OR8D4: variants seen among roughly 807,000 people sequenced by gnomAD.
The protein encoded by OR8D4 is olfactory receptor 8D4.
For missense variants in OR8D4, 359 were observed against 372.6 expected, an observed-to-expected ratio of 0.96 and a Z score of 0.30; for synonymous variants, 141 against 134.8, an observed-to-expected ratio of 1.05 and a Z score of -0.32.
At chr11:123,905,070 GCATTGC>G (rs1429553982) in intron 1 of OR8D4, among the ~76,000 whole-genome samples, 1 of 152,142 alleles carries the variant, frequency 6.6e-6, no homozygotes, top group Non-Finnish European at 1.5e-5. Flanking sequence ...TGGGTTGCTT[GCATTGC>G]CAGTAGTGGC....
At position 123,906,620 on chromosome 11, in the gene OR8D4, G is replaced by C; in HGVS notation, c.189G>C (p.Leu63=). Reference sequence around the variant, plus strand: ...TTCATACCCCCATGTACTATTTCCTGAGTAGTTTGTCTTTTTTAGATTTCT... The same window carrying C: ...TTCATACCCCCATGTACTATTTCCTCAGTAGTTTGTCTTTTTTAGATTTCT... ...RQLHTPMYYF[L]SSLSFLDFCY... Residue 63 remains leucine, a synonymous_variant, in exon 2 of 2, where the codon CTG becomes CTC. Transcript: ENST00000641687. 1.9e-6 allele frequency: 3 copies of C among 1,613,954 alleles called. No homozygotes were observed. The highest frequency in any genetic ancestry group is 2.5e-6 in the Non-Finnish European group (3 of 1,179,858).
chr11:123,906,560 C>T lies in OR8D4; in HGVS notation c.129C>T (p.Leu43=). 3 of 1,613,892 alleles carry T rather than the reference C, an allele frequency of 1.9e-6. No homozygotes were observed. The highest frequency in any genetic ancestry group is 8.5e-7 in the Non-Finnish European group (1 of 1,179,824). ...ACACAGTTACTGTGGTGGGAAACCT[C>T]AGCATGATCTCAATTATTAGGCTGA... ...GIYTVTVVGN[L]SMISIIRLNR... Residue 43 remains leucine, a synonymous_variant, in exon 2 of 2, where the codon CTC becomes CTT. Coordinates refer to ENST00000641687, the MANE Select transcript of OR8D4 (RefSeq NM_001005197.2).
chr11:123,906,179 T>G (rs1275128724), intron 1 of OR8D4: 3 of 404,902 alleles, frequency 7.4e-6, no homozygotes, highest in Non-Finnish European at 1.3e-5. Flanking sequence ...AACTCTGGAG[T>G]AAAAGGTTCT....
In OR8D4 at chr11:123,906,565, T is replaced by A. The variant is rs1863200663; in HGVS notation, c.134T>A (p.Met45Lys). 1.2e-6 allele frequency: 2 copies of A among 1,613,958 alleles called. No homozygotes were observed. The highest frequency in any genetic ancestry group is 1.7e-6 in the Non-Finnish European group (2 of 1,179,856). Residue 45 changes from methionine to lysine, a missense_variant, in exon 2 of 2, where the codon ATG becomes AAG. Physicochemically the swap from Met to Lys is moderately conservative, Grantham distance 95 (BLOSUM62 -1). Coordinates refer to ENST00000641687, the MANE Select transcript of OR8D4 (RefSeq NM_001005197.2). ...GTTACTGTGGTGGGAAACCTCAGCATGATCTCAATTATTAGGCTGAATCGT... is the reference window on the plus strand; with the variant it reads ...GTTACTGTGGTGGGAAACCTCAGCAAGATCTCAATTATTAGGCTGAATCGT... ...YTVTVVGNLS[M>K]ISIIRLNRQL...
In OR8D4 at chr11:123,906,877, TC is replaced by T. The variant is rs1863206531; in HGVS notation, c.447del (p.Ser150GlnfsTer2). 1.9e-6 allele frequency: 3 copies of T among 1,614,078 alleles called. No individual in the cohort carries two copies. In the African/African-American group the frequency reaches 4.0e-5, roughly 22 times the overall value. On this transcript the variant is annotated frameshift_variant, in exon 2 of 2. Coordinates refer to ENST00000641687, the MANE Select transcript of OR8D4 (RefSeq NM_001005197.2). LOFTEE classifies it low-confidence loss of function (END_TRUNC). The stretch of plus-strand genomic sequence containing the variant: ...TGTTCTCTGCTGGTGGCTGCTGTCT[TC>T]TCAGTAGGTTTCACTGATGCTGTGA... ...RVCSLLVAAV[F>X]SVGFTDAVIH... is the part of the protein sequence containing the mutation.
Position 123,907,350 on chromosome 11 carries a change from A to G in OR8D4, c.919A>G (p.Arg307Gly). 1 of 1,383,902 alleles carries G rather than the reference A, an allele frequency of 7.2e-7. No homozygotes were observed. Among genetic ancestry groups the G allele is most frequent in the South Asian group, 1.3e-5 (1 of 78,794 alleles). 85.7% of individuals were successfully genotyped at this position (1,383,902 alleles called of 1,614,324 possible). ...VRNALMKLLRRKISLSPG is the reference protein window; with the variant it reads ...VRNALMKLLRGKISLSPG ...AAATGCTCTGATGAAACTTTTAAGA[A>G]GAAAAATATCTTTATCTCCAGGATA... The change falls in exon 2 of 2, where the codon AGA becomes GGA. Residue 307 changes from arginine to glycine, a missense_variant. Coordinates refer to ENST00000641687, the MANE Select transcript of OR8D4 (RefSeq NM_001005197.2).
Position 123,907,259 on chromosome 11 carries a change from AT to A in OR8D4, c.832del (p.Tyr278IlefsTer4). On this transcript the variant is annotated frameshift_variant, in exon 2 of 2. Transcript: ENST00000641687. LOFTEE classifies it low-confidence loss of function (END_TRUNC). The part of the protein sequence containing the change: ...SLTQEKVSSV[F>X]YTTVILMLNP... ...TCACCCAGGAGAAAGTATCCTCAGT[AT>A]TTTATACCACTGTGATTCTCATGTT... is the stretch of plus-strand genomic sequence containing the variant. 6.2e-7 allele frequency: 1 copy of A among 1,610,382 alleles called. No homozygotes were observed. Among genetic ancestry groups the A allele is most frequent in the Non-Finnish European group, 8.5e-7 (1 of 1,176,678 alleles).
rs1452751191 is a variant in OR8D4, at chr11:123,907,881, TTTTAAA to T, written c.*512_*517del. 1 of 151,924 alleles carries T rather than the reference TTTTAAA, an allele frequency of 6.6e-6. No individual in the cohort carries two copies. The highest frequency in any genetic ancestry group is 1.5e-5 in the Non-Finnish European group (1 of 67,988). The allele number at this position is 151,924 out of a possible 1,614,324, so 9.4% of individuals were successfully genotyped here. ...ATATGAAAGTGAAAAGTAAAAAATA[TTTTAAA>T]TTTAAAGTTAATACCTTTGCTGGGA... is the stretch of plus-strand genomic sequence containing the variant. On this transcript the variant is annotated 3_prime_UTR_variant, in exon 2 of 2. Coordinates refer to ENST00000641687, the MANE Select transcript of OR8D4 (RefSeq NM_001005197.2).
In OR8D4 at chr11:123,906,945, A is replaced by G. The variant is rs1362695885; in HGVS notation, c.514A>G (p.Asn172Asp). The G allele has an allele frequency of 1.9e-6, 3 of 1,613,988 alleles. No homozygotes were observed. Among genetic ancestry groups the G allele is most frequent in the African/African-American group, 2.7e-5 (2 of 74,920 alleles). The change falls in exon 2 of 2, where the codon AAC becomes GAC. Residue 172 changes from asparagine to aspartate, a missense_variant. By Grantham distance (23) the Asn-to-Asp change is conservative. Coordinates refer to ENST00000641687, the MANE Select transcript of OR8D4 (RefSeq NM_001005197.2). ...CILRLSFCGS[N>D]IIKHYFCDIV... ...ACTCAGGTTGTCTTTCTGTGGATCA[A>G]ACATCATTAAACATTATTTCTGTGA...
chr11:123,907,203 A>G lies in OR8D4; in HGVS notation c.772A>G (p.Met258Val), dbSNP rs771963445. Residue 258 changes from methionine to valine, a missense_variant, in exon 2 of 2, where the codon ATG becomes GTG. By Grantham distance (21) the Met-to-Val change is conservative (BLOSUM62 1). Coordinates refer to ENST00000641687, the MANE Select transcript of OR8D4 (RefSeq NM_001005197.2). ...VLMFYGSLMSMYLKPASSSSL... is the reference protein window; with the variant it reads ...VLMFYGSLMSVYLKPASSSSL... ...TATGTTTTATGGGTCTCTGATGTCC[A>G]TGTATCTCAAACCTGCTTCTAGCAG... 1.2e-6 allele frequency: 2 copies of G among 1,613,884 alleles called. No individual in the cohort carries two copies. Among genetic ancestry groups the G allele is most frequent in the African/African-American group, 1.3e-5 (1 of 75,026 alleles).
intron 1 of OR8D4, among the ~76,000 whole-genome samples, chr11:123,903,411 T>C (rs1209227845): frequency 3.3e-5 from 5 of 152,114 alleles, no homozygotes; most frequent in Admixed American, 2.0e-4. Flanking sequence ...TGCCCGTGTG[T>C]CTGCATTATA....
chr11:123,903,198 GC>G (rs1431435103), intron 1 of OR8D4, among the ~76,000 whole-genome samples: 2 of 67,564 alleles, frequency 3.0e-5, no homozygotes, highest in Admixed American at 3.9e-4. Context: ...AAAAGGATGT[GC>G]TTAGTTAGGT....
intron 1 of OR8D4, among the ~76,000 whole-genome samples, chr11:123,903,416 A>G (rs1863176804): frequency 6.6e-6 from 1 of 152,102 alleles, no homozygotes; most frequent in Non-Finnish European, 1.5e-5. Flanking sequence ...GTGTGTCTGC[A>G]TTATATGTCT....
intron 1 of OR8D4, among the ~76,000 whole-genome samples, chr11:123,904,817 A>G (rs1357331557): frequency 6.6e-6 from 1 of 152,226 alleles, no homozygotes; most frequent in Non-Finnish European, 1.5e-5. Context: ...CAGCAGTAAT[A>G]TATTGGAAAC....
intron 1 of OR8D4, among the ~76,000 whole-genome samples, chr11:123,902,568 G>C (rs1863168894): frequency 6.6e-6 from 1 of 152,044 alleles, no homozygotes; most frequent in Admixed American, 6.6e-5. Flanking sequence ...CATTTGATTT[G>C]CATAACAATC....
rs1863225847 is a variant in OR8D4, at chr11:123,908,695, A to C, written c.*1319A>C. On this transcript the variant is annotated 3_prime_UTR_variant, in exon 2 of 2. Coordinates refer to ENST00000641687, the MANE Select transcript of OR8D4 (RefSeq NM_001005197.2). Reference sequence around the variant, plus strand: ...GAGTTATGTAATTTTCAGTGGTTCAAATTCTACTCTCAATAGAGCTCTTTG... The same window carrying C: ...GAGTTATGTAATTTTCAGTGGTTCACATTCTACTCTCAATAGAGCTCTTTG... 1 of 152,208 alleles carries C rather than the reference A, an allele frequency of 6.6e-6. No homozygotes were observed. Among genetic ancestry groups the C allele is most frequent in the Non-Finnish European group, 1.5e-5 (1 of 68,028 alleles). 9.4% of individuals were successfully genotyped at this position (152,208 alleles called of 1,614,324 possible). A position where few individuals can be genotyped will look rare whatever the true frequency, so the allele number is the denominator to read the frequency against.
At chr11:123,905,457 G>A (rs149402271) in intron 1 of OR8D4, among the ~76,000 whole-genome samples, 2 of 152,292 alleles carry the variant, frequency 1.3e-5, no homozygotes, top group Non-Finnish European at 2.9e-5. Flanking sequence ...GTTTAACTAT[G>A]TAATTCAGGA....
rs984307137 is a variant in OR8D4 at position 123,908,140 on chromosome 11, G to A, written c.*764G>A. On this transcript the variant is annotated 3_prime_UTR_variant, in exon 2 of 2. Coordinates refer to ENST00000641687, the MANE Select transcript of OR8D4 (RefSeq NM_001005197.2). ...AGCCAGTATTGTCTTACAGTGTAAT[G>A]CAATGAAGAAGATTCAACAAAGGAC... The A allele has an allele frequency of 4.6e-5, 7 of 152,152 alleles. No homozygotes were observed. The highest frequency in any genetic ancestry group is 4.4e-5 in the Non-Finnish European group (3 of 68,016). The allele number at this position is 152,152 out of a possible 1,614,324, so 9.4% of individuals were successfully genotyped here. A position where few individuals can be genotyped will look rare whatever the true frequency, so the allele number is the denominator to read the frequency against.
chr11:123,907,113 A>C lies in OR8D4; in HGVS notation c.682A>C (p.Ile228Leu), dbSNP rs147049744. The C allele has an allele frequency of 1.3e-4, 211 of 1,613,998 alleles. 1 individual carries two copies. The East Asian group carries it at 4.6e-3, about 35-fold the overall frequency. The change falls in exon 2 of 2, where the codon ATC (isoleucine) becomes CTC (leucine). Residue 228 changes from isoleucine to leucine, a missense_variant. Physicochemically the swap from Ile to Leu is conservative, Grantham distance 5. Coordinates refer to ENST00000641687, the MANE Select transcript of OR8D4 (RefSeq NM_001005197.2). ...YAFILTSILR[I>L]HSKKGRCKAF... ...TTTTATCCTCACCAGCATCCTGCGC[A>C]TCCACTCTAAAAAGGGCAGGTGCAA...
Sources: gnomAD v4.1 joint callset for allele counts (sites outside exome capture counted in the v4.1 genomes callset) on GRCh38, gnomAD v4.1.1 for gene constraint, MANE v1.5 for transcripts, NCBI Gene and HGNC (gene_info 2026-07-23, HGNC 2026-07-21) for gene names.